METAP2: variants seen among roughly 807,000 people sequenced by gnomAD.
METAP2 encodes methionine aminopeptidase 2.
In METAP2, 25 loss-of-function variants were observed where a neutral mutation model predicts 59.4. The observed-to-expected ratio is 0.42, with a 90% CI of 0.31 to 0.59. METAP2 has a LOEUF of 0.59. METAP2 is among the 20% of genes least tolerant of loss of function. The probability of loss-of-function intolerance (pLI) is 0.16; values close to 1 mark genes in which losing one functional copy is unlikely to be tolerated. For synonymous variants in METAP2, 214 were observed against 194.1 expected, an observed-to-expected ratio of 1.10 and a Z score of -0.85; for missense variants, 366 against 581.2, an observed-to-expected ratio of 0.63 and a Z score of 3.81.
chr12:95,504,020 A>C (rs199697097), intron 7 of METAP2, 45 bp from the exon 8 acceptor site: 127 of 1,454,808 alleles, frequency 8.7e-5, no homozygotes, highest in Non-Finnish European at 1.1e-4. Context: ...TTGCTATGAA[A>C]ATTTTGCACT....
At chr12:95,475,368 C>T (rs1279671416) in intron 1 of METAP2, among the ~76,000 whole-genome samples, 1 of 152,098 alleles carries the variant, frequency 6.6e-6, no homozygotes, top group African/African-American at 2.4e-5. Flanking sequence ...GGTGGCTGTT[C>T]CTGGATTTCG....
chr12:95,509,802 T>A (rs2076387930), intron 8 of METAP2, among the ~76,000 whole-genome samples: 1 of 152,048 alleles, frequency 6.6e-6, no homozygotes, highest in South Asian at 2.1e-4. Context: ...ATACTGAGGA[T>A]TCTAGAGTTA....
At chr12:95,480,485 C>T (rs1303844587) in intron 2 of METAP2, among the ~76,000 whole-genome samples, 1 of 152,164 alleles carries the variant, frequency 6.6e-6, no homozygotes, top group African/African-American at 2.4e-5. Context: ...TTCCTCTTAG[C>T]AATGGTTGAG....
At chr12:95,498,172 T>C (rs996521630) in intron 7 of METAP2, among the ~76,000 whole-genome samples, 1 of 151,730 alleles carries the variant, frequency 6.6e-6, no homozygotes, top group African/African-American at 2.4e-5. Flanking sequence ...GGTGTTGCTT[T>C]GTTGCCCAGG....
intron 4 of METAP2, among the ~76,000 whole-genome samples, chr12:95,492,473 TTAA>T (rs1161430469): frequency 1.3e-5 from 2 of 152,148 alleles, no homozygotes; most frequent in Non-Finnish European, 2.9e-5. Flanking sequence ...TTTCTTATTG[TTAA>T]TAACTTTCTA....
chr12:95,510,924 T>A (rs1369864460), intron 8 of METAP2, among the ~76,000 whole-genome samples: 1 of 152,216 alleles, frequency 6.6e-6, no homozygotes, highest in African/African-American at 2.4e-5. Context: ...TTGTGCCTTT[T>A]TCTGCTCATT....
At chr12:95,510,129 A>G (rs59648302) in intron 8 of METAP2, among the ~76,000 whole-genome samples, 7,330 of 152,160 alleles carry the variant, frequency 0.048, 576 homozygotes, top group African/African-American at 0.17. Flanking sequence ...GAGCCACTGC[A>G]CCTGGCCGTT....
intron 8 of METAP2, among the ~76,000 whole-genome samples, chr12:95,508,798 C>A (rs1048827677): frequency 1.3e-5 from 2 of 151,992 alleles, no homozygotes; most frequent in Non-Finnish European, 2.9e-5. Flanking sequence ...TAATATCTAC[C>A]CTTTTACCTC....
At chr12:95,490,396 T>C (rs2076228894) in intron 4 of METAP2, among the ~76,000 whole-genome samples, 2 of 151,018 alleles carry the variant, frequency 1.3e-5, no homozygotes, top group African/African-American at 4.9e-5. Flanking sequence ...GTCAATTTGC[T>C]CCTTATTGGT....
At chr12:95,504,966 C>G (rs2076346839) in intron 8 of METAP2, among the ~76,000 whole-genome samples, 1 of 152,228 alleles carries the variant, frequency 6.6e-6, no homozygotes, top group Admixed American at 6.5e-5. Flanking sequence ...CTCTGTCAGT[C>G]CAGTCCTCCT....
chr12:95,485,910 A>G lies in METAP2; in HGVS notation c.357A>G (p.Pro119=). The change falls in exon 4 of 11, where the codon CCA becomes CCG. Residue 119 remains proline, a synonymous_variant. Coordinates refer to ENST00000323666, the MANE Select transcript of METAP2 (RefSeq NM_006838.4). ...TTCAAACAGACCCTCCCTCAGTTCC[A>G]ATATGTGACCTGTATCCTAATGGTG... ...PKVQTDPPSV[P]ICDLYPNGVF... 1.9e-6 allele frequency: 3 copies of G among 1,583,574 alleles called. No individual in the cohort carries two copies. Among genetic ancestry groups the G allele is most frequent in the Non-Finnish European group, 2.6e-6 (3 of 1,169,138 alleles).
At chr12:95,502,552 G>GT (rs930351361) in intron 7 of METAP2, among the ~76,000 whole-genome samples, 5 of 151,356 alleles carry the variant, frequency 3.3e-5, no homozygotes, top group Non-Finnish European at 7.4e-5. Context: ...GTGTGTGTGT[G>GT]TGGGGGGGTT....
intron 4 of METAP2, among the ~76,000 whole-genome samples, chr12:95,488,581 C>T (rs998246748): frequency 1.3e-4 from 19 of 147,664 alleles, no homozygotes; most frequent in African/African-American, 3.5e-4. Flanking sequence ...TTCTTGAACA[C>T]GTATTTTGTG....
At chr12:95,489,840 G>GA (rs1250829104) in intron 4 of METAP2, among the ~76,000 whole-genome samples, 7 of 151,918 alleles carry the variant, frequency 4.6e-5, no homozygotes, top group Non-Finnish European at 8.8e-5. Context: ...CTCTGTCTCA[G>GA]AAAAAAACCC....
At chr12:95,513,151 C>T (rs1031012401) in intron 10 of METAP2, among the ~76,000 whole-genome samples, 5 of 147,352 alleles carry the variant, frequency 3.4e-5, no homozygotes, top group Non-Finnish European at 5.9e-5. Flanking sequence ...TCTTCAAGTC[C>T]GGTTTCTGAT....
chr12:95,494,424 C>T (rs1390246142), intron 5 of METAP2, among the ~76,000 whole-genome samples: 1 of 152,106 alleles, frequency 6.6e-6, no homozygotes, highest in African/African-American at 2.4e-5. Context: ...TTTGTGTGCA[C>T]ATGTAGTCAT....
intron 1 of METAP2, 70 bp downstream of exon 1, chr12:95,474,400 G>A: frequency 6.5e-7 from 1 of 1,546,802 alleles, no homozygotes; most frequent in South Asian, 1.2e-5. Context: ...GGCCCGTTGA[G>A]GGGGCCGGGA....
At chr12:95,506,988 A>T (rs2076366137) in intron 8 of METAP2, among the ~76,000 whole-genome samples, 2 of 151,392 alleles carry the variant, frequency 1.3e-5, no homozygotes, top group South Asian at 4.2e-4. Context: ...GGGCTTCATC[A>T]TGTTGGCCAG....
intron 9 of METAP2, 35 bp from the exon 10 acceptor site, chr12:95,512,766 T>C: frequency 8.4e-7 from 1 of 1,195,944 alleles, no homozygotes. Flanking sequence ...GAATTTTTCT[T>C]CTTTCTCTCC....
Sources: allele counts gnomAD v4.1 joint callset (sites outside exome capture counted in the v4.1 genomes callset), GRCh38; gene constraint gnomAD v4.1.1; transcripts MANE v1.5; gene names NCBI Gene and HGNC (gene_info 2026-07-23, HGNC 2026-07-21).